RAPGEF6: variants seen among roughly 807,000 people sequenced by gnomAD.
The protein encoded by RAPGEF6 is PDZ domain containing guanine nucleotide exchange factor (GEF) 2.
RAPGEF6 carries 56 observed loss-of-function variants against 171.4 expected under a neutral mutation model. The observed-to-expected ratio is 0.33, with a 90% CI of 0.26 to 0.41. The LOEUF is 0.41. Ranked by LOEUF, RAPGEF6 falls within the 10% of genes least tolerant of loss-of-function variation. The pLI is 1.00. For missense variants in RAPGEF6, 1,674 were observed against 1,921.4 expected (o/e 0.87, Z 2.41); for synonymous variants, 692 against 650.1 (o/e 1.06, Z -0.98).
rs1751668915 is a variant in RAPGEF6 at position 131,431,035 on chromosome 5, C to T, written c.4289G>A (p.Arg1430Lys). ...AGAACTGGAGGAGGTCCAACTCTTT[C>T]TCTCTAGGCTTCCTTTACACTGCCC... ...TCGQCKGSLERKSWTSSSSLS... is the reference protein window; with the variant it reads ...TCGQCKGSLEKKSWTSSSSLS... The change falls in exon 26 of 28, where the codon AGA (arginine) becomes AAA (lysine). Residue 1430 changes from arginine to lysine, a missense_variant. Around this residue, in one of 3 missense-constraint regions of RAPGEF6, gnomAD observed 552 missense variants for 574.2 expected, o/e 0.96. Transcript: ENST00000509018. 6.2e-7 allele frequency: 1 copy of T among 1,614,174 alleles called. No homozygotes were observed. The highest frequency in any genetic ancestry group is 8.5e-7 in the Non-Finnish European group (1 of 1,180,008).
chr5:131,531,240 A>G (rs1302202943), intron 6 of RAPGEF6, among the ~76,000 whole-genome samples: 5 of 152,188 alleles, frequency 3.3e-5, no homozygotes, highest in African/African-American at 1.2e-4. Flanking sequence ...AAGTGCCTCT[A>G]TTGTGCCTGT....
At chr5:131,616,185 A>G (rs558495104) in intron 1 of RAPGEF6, among the ~76,000 whole-genome samples, 1 of 152,266 alleles carries the variant, frequency 6.6e-6, no homozygotes, top group South Asian at 2.1e-4. Context: ...CTCAGCCAGT[A>G]GTTTTTATAG....
intron 12 of RAPGEF6, among the ~76,000 whole-genome samples, chr5:131,497,244 AAAGTTCTT>A (rs371211027): frequency 6.6e-6 from 1 of 152,274 alleles, no homozygotes; most frequent in East Asian, 1.9e-4. Context: ...TTGAGTTGTA[AAAGTTCTT>A]TATGTATTTT....
In RAPGEF6 at chr5:131,571,582, G is replaced by A. The variant is rs959280166; in HGVS notation, c.282-9535C>T. Reference sequence around the variant, plus strand: ...AGAGAAATTAAAGACCTAAATAAATGGAGTGATGTACCTCATTCATGGTTT... The same window carrying A: ...AGAGAAATTAAAGACCTAAATAAATAGAGTGATGTACCTCATTCATGGTTT... On this transcript the variant is annotated intron_variant, in intron 4 of 27. Coordinates refer to ENST00000509018, the MANE Select transcript of RAPGEF6 (RefSeq NM_016340.6). Among the ~76,000 whole-genome samples the A allele has an allele frequency of 8.5e-5, 13 of 152,216 alleles. No individual in the cohort carries two copies. In the East Asian group the frequency reaches 1.9e-3, roughly 23 times the overall value.
chr5:131,490,327 T>C lies in RAPGEF6; in HGVS notation c.1732-673A>G, dbSNP rs192034146. Among the ~76,000 whole-genome samples, 16 of 151,912 alleles carry C rather than the reference T, an allele frequency of 1.1e-4. 1 individual carries two copies. The highest frequency in any genetic ancestry group is 1.5e-5 in the Non-Finnish European group (1 of 67,972). On this transcript the variant is annotated intron_variant, in intron 14 of 27. Transcript: ENST00000509018. ...GATCTAGGGGATCAACATAAAAATTTCTAAAGGATAAGAAAAAGAGTGAAA... is the reference window on the plus strand; with the variant it reads ...GATCTAGGGGATCAACATAAAAATTCCTAAAGGATAAGAAAAAGAGTGAAA...
intron 12 of RAPGEF6, 148 bp from the exon 13 acceptor site, chr5:131,495,808 G>T (rs994752254): frequency 1.2e-5 from 15 of 1,256,068 alleles, no homozygotes; most frequent in Middle Eastern, 2.6e-4. Flanking sequence ...TAACAGAAAG[G>T]CATGGTTTAA....
In RAPGEF6 at chr5:131,461,995, C is replaced by G. The variant is rs764626082; in HGVS notation, c.2574G>C (p.Gln858His). The G allele has an allele frequency of 2.9e-5, 46 of 1,613,990 alleles. No individual in the cohort carries two copies. In the Admixed American group the frequency reaches 3.5e-4, roughly 12 times the overall value. The change falls in exon 19 of 28, where the codon CAG becomes CAC. Residue 858 changes from glutamine (Q) to histidine (H), a missense_variant. By Grantham distance (24) the Gln-to-His change is conservative. Transcript: ENST00000509018. Reference protein sequence around the residue: ...LVKESQLSMLQLSTIEVATQL... With the variant: ...LVKESQLSMLHLSTIEVATQL... Reference sequence around the variant, plus strand: ...GGGTGGCCACCTCAATGGTACTGAGCTGCAGCATGGATAGCTGGCTTTCCT... The same window carrying G: ...GGGTGGCCACCTCAATGGTACTGAGGTGCAGCATGGATAGCTGGCTTTCCT...
intron 5 of RAPGEF6, among the ~76,000 whole-genome samples, chr5:131,561,660 C>CAAAAAAAAAAAAAAAAAAA (rs35691525): frequency 5.5e-5 from 5 of 90,904 alleles, no homozygotes; most frequent in Non-Finnish European, 6.7e-5. Context: ...AACTCTGTCT[C>CAAAAAAAAAAAAAAAAAAA]AAAAAAAAAA....
At chr5:131,544,864 G>A (rs976632135) in intron 6 of RAPGEF6, among the ~76,000 whole-genome samples, 9 of 152,018 alleles carry the variant, frequency 5.9e-5, no homozygotes, top group African/African-American at 2.2e-4. Flanking sequence ...TGTATTTTCA[G>A]GAGAGACGGG....
At chr5:131,457,911 T>C (rs993682818) in intron 19 of RAPGEF6, among the ~76,000 whole-genome samples, 1 of 152,166 alleles carries the variant, frequency 6.6e-6, no homozygotes, top group Admixed American at 6.5e-5. Flanking sequence ...GAAAATTAGA[T>C]TGTTTAACTC....
chr5:131,437,132 G>A (rs1364783203), intron 24 of RAPGEF6, among the ~76,000 whole-genome samples: 1 of 152,144 alleles, frequency 6.6e-6, no homozygotes, highest in East Asian at 1.9e-4. Flanking sequence ...ACTTGGTTGG[G>A]GTTTTGATAG....
intron 3 of RAPGEF6, among the ~76,000 whole-genome samples, chr5:131,595,014 C>T (rs557207407): frequency 6.6e-6 from 1 of 152,160 alleles, no homozygotes; most frequent in South Asian, 2.1e-4. Context: ...TGAGTTAAGA[C>T]TTTGGGGGAC....
intron 22 of RAPGEF6, among the ~76,000 whole-genome samples, chr5:131,444,102 AG>A (rs1192258508): frequency 6.6e-6 from 1 of 152,218 alleles, no homozygotes; most frequent in Non-Finnish European, 1.5e-5. Context: ...TACTTCATGA[AG>A]TATTTGTTTT....
Position 131,442,416 on chromosome 5 carries a change from C to T in RAPGEF6, c.3543G>A (p.Val1181=). 2 of 1,614,160 alleles carry T rather than the reference C, an allele frequency of 1.2e-6. No homozygotes were observed. The highest frequency in any genetic ancestry group is 4.5e-5 in the East Asian group (2 of 44,870). ...GCAAATTAACAGCTGGCACCTGAAGCACCTGGCTTACTCTGTGGGGTTGAT... is the reference window on the plus strand; with the variant it reads ...GCAAATTAACAGCTGGCACCTGAAGTACCTGGCTTACTCTGTGGGGTTGAT... ...HLHQPHRVSQ[V]LQVPAVNLHP... Residue 1181 remains valine, a synonymous_variant, in exon 23 of 28, where the codon GTG becomes GTA. Coordinates refer to ENST00000509018, the MANE Select transcript of RAPGEF6 (RefSeq NM_016340.6).
At position 131,594,554 on chromosome 5, in the gene RAPGEF6, G is replaced by A. The variant is rs149278141; in HGVS notation, c.198-2088C>T. Among the ~76,000 whole-genome samples the A allele has an allele frequency of 3.8e-3, 572 of 152,298 alleles. 4 individuals are homozygous for A. Among genetic ancestry groups the A allele is most frequent in the African/African-American group, 0.013 (540 of 41,560 alleles). On this transcript the variant is annotated intron_variant, in intron 3 of 27. Coordinates refer to ENST00000509018, the MANE Select transcript of RAPGEF6 (RefSeq NM_016340.6). ...CTGGGGCACTATCTAGTGGAGCTGC[G>A]AAAAGGGGGCCATTGTCCTTCAGAC...
At chr5:131,626,579 T>C (rs995516318) in intron 1 of RAPGEF6, among the ~76,000 whole-genome samples, 4 of 151,932 alleles carry the variant, frequency 2.6e-5, no homozygotes, top group Admixed American at 2.6e-4. Flanking sequence ...ATGAAGCTTG[T>C]TCCCTTCCCC....
intron 22 of RAPGEF6, among the ~76,000 whole-genome samples, chr5:131,444,314 T>C (rs1429973660): frequency 6.6e-6 from 1 of 152,206 alleles, no homozygotes; most frequent in Non-Finnish European, 1.5e-5. Flanking sequence ...TTATCATCTT[T>C]GGTTAGAGCC....
At chr5:131,487,923 C>A (rs1580903763) in intron 15 of RAPGEF6, among the ~76,000 whole-genome samples, 2 of 152,108 alleles carry the variant, frequency 1.3e-5, no homozygotes, top group African/African-American at 2.4e-5. Flanking sequence ...TACAAATATT[C>A]CTTTGTAATT....
At chr5:131,584,539 T>C (rs1486121329) in intron 4 of RAPGEF6, among the ~76,000 whole-genome samples, 2 of 152,250 alleles carry the variant, frequency 1.3e-5, no homozygotes, top group Non-Finnish European at 2.9e-5. Flanking sequence ...TGAATTCTGC[T>C]AAGCTGTAGA....
Sources: gnomAD v4.1 joint callset for allele counts (sites outside exome capture counted in the v4.1 genomes callset) on GRCh38, gnomAD v4.1.1 for gene constraint, gnomAD v4.1.1 regional missense constraint, MANE v1.5 for transcripts, NCBI Gene and HGNC (gene_info 2026-07-23, HGNC 2026-07-21) for gene names.